DAB1: variants seen among roughly 807,000 people sequenced by gnomAD.
DAB1 encodes the protein disabled homolog 1.
Under a neutral mutation model 64.6 loss-of-function variants are expected in DAB1, and 15 were observed. That is an observed-to-expected ratio of 0.23 (90% CI 0.16 to 0.36). The LOEUF (loss-of-function observed/expected upper bound fraction) is 0.36, where lower values mean the gene tolerates loss of function less well. Among genes scored for constraint, DAB1 ranks in the 10% least tolerant of loss-of-function variants. The pLI is 1.00. For missense variants in DAB1, 596 were observed against 706.7 expected (o/e 0.84, Z 1.78); for synonymous variants, 235 against 251.9 (o/e 0.93, Z 0.64).
At chr1:58,369,327 C>T (rs1052345209) in intron 3 of DAB1, among the ~76,000 whole-genome samples, 5 of 152,068 alleles carry the variant, frequency 3.3e-5, no homozygotes, top group Admixed American at 6.6e-5. Flanking sequence ...TAAGATAATA[C>T]CATTGCTTTA....
chr1:57,847,319 GA>G (rs1055304347), intron 1 of DAB1, among the ~76,000 whole-genome samples: 5 of 148,428 alleles, frequency 3.4e-5, no homozygotes, highest in African/African-American at 1.2e-4. Context: ...CTAGATAGAA[GA>G]AAAAAAAGGA....
At chr1:57,071,186 T>A in intron 6 of DAB1, 125 bp from the exon 7 acceptor site, 2 of 949,174 alleles carry the variant, frequency 2.1e-6, no homozygotes, top group African/African-American at 1.7e-5. Context: ...TGGTGGGCCA[T>A]CAAGGTAGAA....
chr1:57,560,114 C>T (rs1482831608), intron 7 of DAB1, among the ~76,000 whole-genome samples: 1 of 152,226 alleles, frequency 6.6e-6, no homozygotes, highest in East Asian at 1.9e-4. Context: ...TGGCAAATTT[C>T]TTTTTCTCCA....
intron 7 of DAB1, among the ~76,000 whole-genome samples, chr1:57,605,464 CA>C (rs1455341414): frequency 6.6e-6 from 1 of 152,152 alleles, no homozygotes; most frequent in East Asian, 1.9e-4. Flanking sequence ...AGGAAGAAAC[CA>C]AATGTGCGAC....
At chr1:57,897,824 T>G (rs746416780) in intron 5 of DAB1, among the ~76,000 whole-genome samples, 5 of 152,136 alleles carry the variant, frequency 3.3e-5, no homozygotes, top group African/African-American at 4.8e-5. Flanking sequence ...TAGACCCAGC[T>G]GGGGAAGTGG....
At chr1:57,341,818 G>T (rs947330200) in intron 1 of DAB1, among the ~76,000 whole-genome samples, 2 of 152,188 alleles carry the variant, frequency 1.3e-5, no homozygotes, top group Admixed American at 6.5e-5. Context: ...GGTCAAACAG[G>T]TTCAGGGAAT....
chr1:57,226,672 A>AAAATATATATATATATATATATATATAT (rs747021990), intron 2 of DAB1, among the ~76,000 whole-genome samples: 1 of 136,016 alleles, frequency 7.4e-6, no homozygotes, highest in African/African-American at 3.1e-5. Context: ...TTAAAAAAAA[A>AAAATATATATATATATATATATATATAT]ATATATATAT....
intron 3 of DAB1, among the ~76,000 whole-genome samples, chr1:58,471,710 A>G (rs750377300): frequency 5.9e-5 from 9 of 152,054 alleles, no homozygotes; most frequent in African/African-American, 9.7e-5. Flanking sequence ...ATAGTGAGTG[A>G]GTTATCACAA....
At chr1:57,648,310 C>T (rs1458181924) in intron 7 of DAB1, among the ~76,000 whole-genome samples, 2 of 152,096 alleles carry the variant, frequency 1.3e-5, no homozygotes, top group African/African-American at 4.8e-5. Context: ...AGGCGAGTGT[C>T]CCCCGACCCC....
At chr1:57,769,802 T>C (rs1262180072) in intron 6 of DAB1, among the ~76,000 whole-genome samples, 1 of 152,166 alleles carries the variant, frequency 6.6e-6, no homozygotes, top group Non-Finnish European at 1.5e-5. Context: ...GGCCTTTTGC[T>C]TCCTTGTTCA....
At chr1:57,083,319 T>C (rs59927047) in intron 4 of DAB1, among the ~76,000 whole-genome samples, 4,078 of 152,324 alleles carry the variant, frequency 0.027, 184 homozygotes, top group African/African-American at 0.092. Context: ...GTTTCAAATG[T>C]ACTTTAATGG....
chr1:58,496,509 C>T (rs1270869967), intron 3 of DAB1, among the ~76,000 whole-genome samples: 2 of 152,040 alleles, frequency 1.3e-5, no homozygotes, highest in South Asian at 2.1e-4. Flanking sequence ...TTTTGTTTTT[C>T]GTATTTCTGC....
At chr1:57,467,959 TAGAG>T (rs1175994861) in intron 7 of DAB1, among the ~76,000 whole-genome samples, 1 of 152,136 alleles carries the variant, frequency 6.6e-6, no homozygotes, top group African/African-American at 2.4e-5. Context: ...GCTCAGAACA[TAGAG>T]AGAACTGTGT....
intron 1 of DAB1, among the ~76,000 whole-genome samples, chr1:57,410,465 C>T (rs1038752630): frequency 2.0e-5 from 3 of 152,100 alleles, no homozygotes; most frequent in African/African-American, 7.2e-5. Flanking sequence ...TAACAGAATC[C>T]GGTGCTCAAG....
At chr1:57,787,301 G>C (rs571647164) in intron 6 of DAB1, among the ~76,000 whole-genome samples, 1 of 152,280 alleles carries the variant, frequency 6.6e-6, no homozygotes, top group South Asian at 2.1e-4. Flanking sequence ...AGTGCAAAGA[G>C]TGTGGCATTG....
intron 2 of DAB1, among the ~76,000 whole-genome samples, chr1:57,188,353 T>C (rs775656186): frequency 6.6e-6 from 1 of 152,060 alleles, no homozygotes; most frequent in Non-Finnish European, 1.5e-5. Context: ...TGACATGTGA[T>C]AGTGGTTCAG....
chr1:58,112,305 G>C (rs1652009289), intron 5 of DAB1, among the ~76,000 whole-genome samples: 1 of 152,194 alleles, frequency 6.6e-6, no homozygotes, highest in South Asian at 2.1e-4. Context: ...TAAGAGCAAT[G>C]ACCTTGTTTG....
At chr1:57,963,469 C>T (rs1185894121) in intron 5 of DAB1, among the ~76,000 whole-genome samples, 1 of 152,200 alleles carries the variant, frequency 6.6e-6, no homozygotes, top group Admixed American at 6.5e-5. Flanking sequence ...ATCTGTTTGT[C>T]TCTCTTGCTA....
At chr1:57,822,346 G>T (rs988939419), downstream of DAB1, among the ~76,000 whole-genome samples, 75 of 152,222 alleles carry the variant, frequency 4.9e-4, 1 homozygote, top group African/African-American at 1.7e-3. Context: ...AAAGACCACA[G>T]AGAAGAGGGT....
Sources: allele counts gnomAD v4.1 joint callset (sites outside exome capture counted in the v4.1 genomes callset), GRCh38; gene constraint gnomAD v4.1.1; transcripts MANE v1.5; gene names NCBI Gene and HGNC (gene_info 2026-07-23, HGNC 2026-07-21).